Variants in LARP1 observed in about 807,000 individuals in gnomAD.
The protein encoded by LARP1 is La ribonucleoprotein 1, translational regulator.
In LARP1, 36 loss-of-function variants were observed where a neutral mutation model predicts 122.7. The ratio of observed to expected loss-of-function variants is 0.29; its 90% CI spans 0.22 to 0.39. The LOEUF is 0.39. Among genes scored for constraint, LARP1 ranks in the 10% least tolerant of loss-of-function variants. The probability of loss-of-function intolerance (pLI) is 1.00; values close to 1 mark genes in which losing one functional copy is unlikely to be tolerated. For missense variants in LARP1, 1,040 were observed against 1,403.6 expected, an observed-to-expected ratio of 0.74 and a Z score of 4.14; for synonymous variants, 539 against 528.7, an observed-to-expected ratio of 1.02 and a Z score of -0.27.
At chr5:154,796,120 ATT>A (rs1491171337) in intron 8 of LARP1, among the ~76,000 whole-genome samples, 3 of 108,276 alleles carry the variant, frequency 2.8e-5, no homozygotes, top group Admixed American at 2.4e-4. Context: ...TAGTATATAT[ATT>A]ATATATATTT....
intron 1 of LARP1, among the ~76,000 whole-genome samples, chr5:154,750,319 G>C (rs1247027613): frequency 6.6e-6 from 1 of 152,140 alleles, no homozygotes; most frequent in Non-Finnish European, 1.5e-5. Flanking sequence ...CCCCAGGCTG[G>C]GGTGCAGTGG....
chr5:154,724,411 T>C (rs1756070663), intron 1 of LARP1, among the ~76,000 whole-genome samples: 1 of 152,210 alleles, frequency 6.6e-6, no homozygotes, highest in African/African-American at 2.4e-5. Context: ...CTGGGTCCAA[T>C]ATCTAGGACT....
At chr5:154,710,905 G>A (rs115768523), upstream of LARP1, among the ~76,000 whole-genome samples, 608 of 152,046 alleles carry the variant, frequency 4.0e-3, 3 homozygotes, top group African/African-American at 0.014. Context: ...ATTACATACT[G>A]TATATCCAAC....
At chr5:154,788,959 C>T (rs1757109871) in intron 1 of LARP1, among the ~76,000 whole-genome samples, 1 of 152,108 alleles carries the variant, frequency 6.6e-6, no homozygotes, top group African/African-American at 2.4e-5. Flanking sequence ...CGCCTGTAAT[C>T]CCAGCACTTT....
chr5:154,761,797 A>T (rs1250829934), intron 1 of LARP1, among the ~76,000 whole-genome samples: 1 of 152,156 alleles, frequency 6.6e-6, no homozygotes, highest in East Asian at 1.9e-4. Context: ...AAATTAGAAC[A>T]TGGGCAGGGT....
At position 154,735,849 on chromosome 5, in the gene LARP1, G is replaced by A. The variant is rs187571981; in HGVS notation, c.205+22719G>A. Among the ~76,000 whole-genome samples the A allele has an allele frequency of 3.3e-3, 503 of 152,042 alleles. 1 individual carries two copies. Among genetic ancestry groups the A allele is most frequent in the Middle Eastern group, 0.01 (3 of 294 alleles). On this transcript the variant is annotated intron_variant, in intron 1 of 18. Coordinates refer to the LARP1 transcript ENST00000336314. Reference sequence around the variant, plus strand: ...GCCTCCTAAAGTGCTGGGATTACAGGCATGAGGCACTGCACCTGGCCAAGG... The same window carrying A: ...GCCTCCTAAAGTGCTGGGATTACAGACATGAGGCACTGCACCTGGCCAAGG...
At chr5:154,762,186 T>G (rs1338704947) in intron 1 of LARP1, among the ~76,000 whole-genome samples, 1 of 152,092 alleles carries the variant, frequency 6.6e-6, no homozygotes, top group Non-Finnish European at 1.5e-5. Context: ...GAGGTTGCAG[T>G]GAGCTGAGAT....
At chr5:154,684,861 T>C (rs1753852180) in intron 1 of LARP1, among the ~76,000 whole-genome samples, 2 of 152,284 alleles carry the variant, frequency 1.3e-5, no homozygotes, top group African/African-American at 2.4e-5. Flanking sequence ...GTTTCTACCA[T>C]TGTGCACTCT....
At position 154,816,678 on chromosome 5, in the gene LARP1, A is replaced by G. The variant is rs549865030; in HGVS notation, c.*2582A>G. On this transcript the variant is annotated 3_prime_UTR_variant, in exon 19 of 19. Coordinates refer to ENST00000518297, the MANE Select transcript of LARP1 (RefSeq NM_033551.3). ...AAGCATGCCAGAAGTGGCAGGGGCCATCAGGGCTAACCACTTCACACCTAC... is the reference window on the plus strand; with the variant it reads ...AAGCATGCCAGAAGTGGCAGGGGCCGTCAGGGCTAACCACTTCACACCTAC... 6.6e-6 allele frequency: 1 copy of G among 152,634 alleles called. No individual in the cohort carries two copies. Among genetic ancestry groups the G allele is most frequent in the Non-Finnish European group, 1.5e-5 (1 of 68,086 alleles). The allele number at this position is 152,634 out of a possible 1,614,324, so 9.5% of individuals were successfully genotyped here.
chr5:154,725,957 C>T (rs4958766), intron 1 of LARP1, among the ~76,000 whole-genome samples: 16,056 of 152,070 alleles, frequency 0.11, 2,012 homozygotes, highest in African/African-American at 0.3. Flanking sequence ...TGTCCTGCCT[C>T]GGCCTCTTGA....
At position 154,763,576 on chromosome 5, in the gene LARP1, C is replaced by G. The variant is rs150758830; in HGVS notation, c.436+7383C>G. Among the ~76,000 whole-genome samples the G allele has an allele frequency of 2.5e-3, 377 of 151,656 alleles. 3 individuals are homozygous for G. The highest frequency in any genetic ancestry group is 8.5e-3 in the African/African-American group (352 of 41,360). ...GTAGGATCATGTGAGCCCAGGAGTT[C>G]AAGGCTGCAAGTGAGCTGTGATTGT... On this transcript the variant is annotated intron_variant, in intron 1 of 18. Coordinates refer to ENST00000518297, the MANE Select transcript of LARP1 (RefSeq NM_033551.3).
At chr5:154,725,543 A>G (rs563844677) in intron 1 of LARP1, among the ~76,000 whole-genome samples, 2 of 151,854 alleles carry the variant, frequency 1.3e-5, no homozygotes, top group East Asian at 3.9e-4. Flanking sequence ...GAGTGAGACT[A>G]TGTCTCAAAA....
At chr5:154,734,709 A>G (rs1374731699) in intron 1 of LARP1, among the ~76,000 whole-genome samples, 1 of 152,156 alleles carries the variant, frequency 6.6e-6, no homozygotes, top group Non-Finnish European at 1.5e-5. Flanking sequence ...CATGTTAACC[A>G]TCTTTAAGTG....
At chr5:154,708,603 A>G (rs943160792), upstream of LARP1, among the ~76,000 whole-genome samples, 5 of 152,064 alleles carry the variant, frequency 3.3e-5, no homozygotes, top group African/African-American at 1.2e-4. Flanking sequence ...ACGTTCTGCA[A>G]AATGTTTTTT....
intron 3 of LARP1, among the ~76,000 whole-genome samples, chr5:154,791,254 C>T (rs1475851073): frequency 6.6e-6 from 1 of 151,620 alleles, no homozygotes; most frequent in African/African-American, 2.4e-5. Flanking sequence ...CACTCTGTCA[C>T]CCAGGCTGGA....
chr5:154,754,811 G>A (rs1753698151), upstream of LARP1, among the ~76,000 whole-genome samples: 2 of 152,332 alleles, frequency 1.3e-5, no homozygotes, highest in South Asian at 2.1e-4. Flanking sequence ...GAAGGGGCCA[G>A]GCCCGCCGGG....
At chr5:154,725,419 A>G (rs1386460743) in intron 1 of LARP1, among the ~76,000 whole-genome samples, 1 of 149,158 alleles carries the variant, frequency 6.7e-6, no homozygotes, top group Admixed American at 6.7e-5. Context: ...GTGTGATGGC[A>G]TGCATCTGTA....
chr5:154,788,624 G>A (rs1191081081), intron 1 of LARP1, among the ~76,000 whole-genome samples: 3 of 152,028 alleles, frequency 2.0e-5, no homozygotes, highest in Admixed American at 1.3e-4. Flanking sequence ...GCCACAGGAT[G>A]TATCTTTTCC....
At chr5:154,687,582 C>T (rs935525389) in intron 1 of LARP1, among the ~76,000 whole-genome samples, 7 of 152,158 alleles carry the variant, frequency 4.6e-5, no homozygotes, top group African/African-American at 1.4e-4. Flanking sequence ...GGGGTTTCAC[C>T]GTGTTAGCCG....
Sources: allele counts gnomAD v4.1 joint callset (sites outside exome capture counted in the v4.1 genomes callset), GRCh38; gene constraint gnomAD v4.1.1; transcripts MANE v1.5; gene names NCBI Gene and HGNC (gene_info 2026-07-23, HGNC 2026-07-21).